Variants in SRSF7 observed in about 807,000 individuals in gnomAD.
The protein encoded by SRSF7 is serine/arginine-rich splicing factor 7.
In SRSF7, 15 loss-of-function variants were observed where a neutral mutation model predicts 42.2. That is an observed-to-expected ratio of 0.36 (90% CI 0.24 to 0.55). The LOEUF (loss-of-function observed/expected upper bound fraction) is 0.55. Ranked by LOEUF, SRSF7 falls within the 20% of genes least tolerant of loss-of-function variation. The pLI is 0.88. For synonymous variants in SRSF7, 138 were observed against 107.9 expected (o/e 1.28, Z -1.73); for missense variants, 181 against 305.9 (o/e 0.59, Z 3.04).
In SRSF7 at chr2:38,748,520, T is replaced by C. The variant is rs925580130; in HGVS notation, c.461+59A>G. ...AAAAAAATAATGAGCTTTTTCTGTG[T>C]TGGACTACCAGTGAATTTAATAATA... On this transcript the variant is annotated intron_variant, in intron 4 of 7. Transcript: ENST00000313117. 11 of 1,545,414 alleles carry C rather than the reference T, an allele frequency of 7.1e-6. No individual in the cohort carries two copies. In the African/African-American group the frequency reaches 1.4e-4, roughly 19 times the overall value.
chr2:38,751,158 C>T, intron 1 of SRSF7, 71 bp downstream of exon 1: 1 of 1,598,710 alleles, frequency 6.3e-7, no homozygotes, highest in Non-Finnish European at 8.6e-7. Context: ...CCAACCTCCG[C>T]GACAACCCTA....
At chr2:38,749,508 T>C (rs1230193168) in intron 3 of SRSF7, 21 bp downstream of exon 3, 2 of 1,554,274 alleles carry the variant, frequency 1.3e-6, no homozygotes, top group Admixed American at 2.1e-5. Context: ...ATACCAACCA[T>C]TCCTTTATTA....
At chr2:38,748,841 G>T in intron 3 of SRSF7, 188 bp from the exon 4 acceptor site, 6 of 1,321,264 alleles carry the variant, frequency 4.5e-6, no homozygotes, top group African/African-American at 1.5e-5. Context: ...GTTAAAAGCT[G>T]AATTACAACT....
At chr2:38,745,216 C>G in intron 7 of SRSF7, 29 bp from the exon 8 acceptor site, 1 of 1,610,922 alleles carries the variant, frequency 6.2e-7, no homozygotes, top group Non-Finnish European at 8.5e-7. Flanking sequence ...GGTTTGGATC[C>G]AATTAGTGTC....
At chr2:38,751,118 C>G (rs1668285346) in intron 1 of SRSF7, 111 bp downstream of exon 1, 1 of 1,445,076 alleles carries the variant, frequency 6.9e-7, no homozygotes, top group Non-Finnish European at 9.7e-7. Flanking sequence ...TGCTCCTAAG[C>G]CGCCATTACG....
intron 4 of SRSF7, 25 bp from the exon 5 acceptor site, chr2:38,748,182 T>A: frequency 2.6e-6 from 4 of 1,524,520 alleles, no homozygotes; most frequent in Non-Finnish European, 3.6e-6. Context: ...TTTAAGTCCA[T>A]CTCCACAGTT....
In SRSF7 at chr2:38,748,049, G is replaced by A; in HGVS notation, c.570C>T (p.Phe190=). 6.2e-7 allele frequency: 1 copy of A among 1,611,038 alleles called. No individual in the cohort carries two copies. Among genetic ancestry groups the A allele is most frequent in the Admixed American group, 1.7e-5 (1 of 59,904 alleles). The change falls in exon 5 of 8, where the codon TTC becomes TTT. Residue 190 remains phenylalanine, a splice_region_variant and synonymous_variant. Transcript: ENST00000313117. The part of the protein sequence containing the change: ...RSGSIKGSRY[F]QSPSRSRSRS... ...TAAGGAAAAAAAGTGTTACATACTGGAAATACCTCGATCCTTTTATAGAAC... is the reference window on the plus strand; with the variant it reads ...TAAGGAAAAAAAGTGTTACATACTGAAAATACCTCGATCCTTTTATAGAAC...
Position 38,748,583 on chromosome 2 carries a change from G to C in SRSF7, c.457C>G (p.Arg153Gly). ...TTCAGTTAAACAAGATCTCACCTTC[G>C]TCCCCTGCTCCTGCTGCGTGAGCGA... The part of the protein sequence containing the change: ...YSRSRSRSRG[R>G]RSRSASPRRS... Residue 153 changes from arginine to glycine, a missense_variant, in exon 4 of 8, where the codon CGA becomes GGA. By Grantham distance (125) the Arg-to-Gly change is moderately radical. Around this residue, in one of 2 missense-constraint regions of SRSF7, gnomAD observed 136 missense variants for 147.8 expected, o/e 0.92. Transcript: ENST00000313117. 5 of 1,613,730 alleles carry C rather than the reference G, an allele frequency of 3.1e-6. No homozygotes were observed. Among genetic ancestry groups the C allele is most frequent in the African/African-American group, 1.3e-5 (1 of 74,892 alleles).
At chr2:38,750,624 G>A (rs1490875593) in intron 1 of SRSF7, among the ~76,000 whole-genome samples, 1 of 151,794 alleles carries the variant, frequency 6.6e-6, no homozygotes, top group Admixed American at 6.6e-5. Flanking sequence ...CGCGGCAAAC[G>A]TCCCAGGCAC....
Position 38,745,195 on chromosome 2 carries a change from G to GA in SRSF7, c.663-9dup. The GA allele has an allele frequency of 6.2e-7, 1 of 1,613,984 alleles. No homozygotes were observed. The highest frequency in any genetic ancestry group is 8.5e-7 in the Non-Finnish European group (1 of 1,179,932). ...CTTCCTGATGGGGAACGACTAAAAA[G>GA]AAAAACATTAGGTTTGGATCCAATT... On this transcript the variant is annotated splice_polypyrimidine_tract_variant and intron_variant, in intron 7 of 7. Coordinates refer to ENST00000313117, the MANE Select transcript of SRSF7 (RefSeq NM_001031684.3).
At chr2:38,748,001 G>C (rs757941000) in intron 5 of SRSF7, 46 bp downstream of exon 5, 11 of 1,378,862 alleles carry the variant, frequency 8.0e-6, no homozygotes, top group Non-Finnish European at 1.1e-5. Context: ...CTACTGATAA[G>C]ATGTGAACAA....
Position 38,748,167 on chromosome 2 carries a change from A to AATAAAATAAAATAAAAT in SRSF7, c.462-11_462-10insATTTTATTTTATTTTAT, listed in dbSNP as rs1397763813. 1 of 1,602,830 alleles carries AATAAAATAAAATAAAAT rather than the reference A, an allele frequency of 6.2e-7. No individual in the cohort carries two copies. Among genetic ancestry groups the AATAAAATAAAATAAAAT allele is most frequent in the Non-Finnish European group, 8.5e-7 (1 of 1,174,466 alleles). On this transcript the variant is annotated splice_polypyrimidine_tract_variant and intron_variant, in intron 4 of 7. Coordinates refer to ENST00000313117, the MANE Select transcript of SRSF7 (RefSeq NM_001031684.3). ...AGATGCTGACCTTGACCTAAAATAAAGAACTTTAAGTCCATCTCCACAGTT... is the reference window on the plus strand; with the variant it reads ...AGATGCTGACCTTGACCTAAAATAAAATAAAATAAAATAAAATGAACTTTAAGTCCATCTCCACAGTT...
chr2:38,746,029 A>C, intron 7 of SRSF7, 115 bp downstream of exon 7: 7 of 1,001,338 alleles, frequency 7.0e-6, no homozygotes, highest in South Asian at 1.5e-5. Flanking sequence ...ATAGTATTTT[A>C]ATCTATATAG....
rs60846029 is a variant in SRSF7 at position 38,745,989 on chromosome 2, CA to C, written c.662+154del. Among the ~76,000 whole-genome samples, 324 of 144,144 alleles carry C rather than the reference CA, an allele frequency of 2.2e-3. 1 individual carries two copies. The highest frequency in any genetic ancestry group is 5.0e-3 in the South Asian group (23 of 4,570). 94.6% of individuals were successfully genotyped at this position (144,144 alleles called of 152,430 possible). A position where few individuals can be genotyped will look rare whatever the true frequency, so the allele number is the denominator to read the frequency against. ...AAAGTATAAACTAATGTTACTGAAT[CA>C]AAAAAAAAAAGTATTTCAGAAACTT... On this transcript the variant is annotated intron_variant, in intron 7 of 7. Coordinates refer to ENST00000313117, the MANE Select transcript of SRSF7 (RefSeq NM_001031684.3).
chr2:38,746,841 G>C, intron 5 of SRSF7, 94 bp from the exon 6 acceptor site: 1 of 1,567,224 alleles, frequency 6.4e-7, no homozygotes, highest in Non-Finnish European at 8.6e-7. Flanking sequence ...CAGGCATAAA[G>C]AAGCTAAAAC....
At position 38,746,742 on chromosome 2, in the gene SRSF7, G is replaced by A; in HGVS notation, c.578C>T (p.Pro193Leu). The change falls in exon 6 of 8, where the codon CCG becomes CTG. Residue 193 changes from proline (P) to leucine (L), a missense_variant. By Grantham distance (98) the Pro-to-Leu change is moderately conservative. Transcript: ENST00000313117. ...SIKGSRYFQS[P>L]SRSRSRSRSI... ...CCTGGATCTTGATCTTGACCTCGAC[G>A]GGGATCTTAATAAAAAAAGTGAAAA... The A allele has an allele frequency of 3.1e-6, 5 of 1,613,386 alleles. No individual in the cohort carries two copies. Among genetic ancestry groups the A allele is most frequent in the Non-Finnish European group, 3.4e-6 (4 of 1,179,802 alleles).
At chr2:38,748,464 G>A in intron 4 of SRSF7, 115 bp downstream of exon 4, 1 of 1,062,272 alleles carries the variant, frequency 9.4e-7, no homozygotes, top group Non-Finnish European at 1.4e-6. Flanking sequence ...CTGTACTCCA[G>A]CCCGGGTGAC....
chr2:38,748,601 G>A lies in SRSF7; in HGVS notation c.439C>T (p.Arg147Cys). Reference sequence around the variant, plus strand: ...CACCTTCGTCCCCTGCTCCTGCTGCGTGAGCGAGAGTATCGCCTTCCTCTG... The same window carrying A: ...CACCTTCGTCCCCTGCTCCTGCTGCATGAGCGAGAGTATCGCCTTCCTCTG... ...RSRGRRYSRS[R>C]SRSRGRRSRS... Residue 147 changes from arginine (R) to cysteine (C), a missense_variant, in exon 4 of 8, where the codon CGC becomes TGC. Physicochemically the swap from Arg to Cys is radical, Grantham distance 180 (BLOSUM62 -3). Transcript: ENST00000313117. 4.3e-6 allele frequency: 7 copies of A among 1,614,026 alleles called. No homozygotes were observed. The highest frequency in any genetic ancestry group is 5.9e-6 in the Non-Finnish European group (7 of 1,180,032).
chr2:38,749,047 T>C, intron 3 of SRSF7: 10 of 1,306,118 alleles, frequency 7.7e-6, no homozygotes, highest in South Asian at 1.2e-5. Context: ...TGAGGCTTGA[T>C]TGACGCAAGA....
Sources: gnomAD v4.1 joint callset for allele counts (sites outside exome capture counted in the v4.1 genomes callset) on GRCh38, gnomAD v4.1.1 for gene constraint, gnomAD v4.1.1 regional missense constraint, MANE v1.5 for transcripts, NCBI Gene and HGNC (gene_info 2026-07-23, HGNC 2026-07-21) for gene names.